The following GRIN2A variants were observed in gnomAD, a reference collection of about 807,000 sequenced individuals.
GRIN2A encodes glutamate ionotropic receptor NMDA type subunit 2A.
GRIN2A carries 22 observed loss-of-function variants against 113.4 expected under a neutral mutation model. The ratio of observed to expected loss-of-function variants is 0.19; its 90% CI spans 0.14 to 0.28. The LOEUF is 0.28. Among genes scored for constraint, GRIN2A ranks in the 10% least tolerant of loss-of-function variants. The probability of loss-of-function intolerance (pLI) is 1.00; values close to 1 mark genes in which losing one functional copy is unlikely to be tolerated. For missense variants in GRIN2A, 1,502 were observed against 1,887.0 expected (o/e 0.80, Z 3.78); for synonymous variants, 827 against 738.4 (o/e 1.12, Z -1.94).
At chr16:9,823,515 G>A (rs758100572) in intron 9 of GRIN2A, among the ~76,000 whole-genome samples, 2 of 152,124 alleles carry the variant, frequency 1.3e-5, no homozygotes, top group Admixed American at 6.5e-5. Flanking sequence ...ATCATTATGA[G>A]TGAAAAAGGA....
chr16:9,965,960 A>C (rs75191857), intron 2 of GRIN2A, among the ~76,000 whole-genome samples: 1 of 152,204 alleles, frequency 6.6e-6, no homozygotes, highest in African/African-American at 2.4e-5. Flanking sequence ...GCTGCTTTAC[A>C]ATACTTTCTG....
Position 9,938,067 on chromosome 16 carries a change from G to A in GRIN2A, c.899C>T (p.Thr300Ile), listed in dbSNP as rs772400474. 5 of 1,613,924 alleles carry A rather than the reference G, an allele frequency of 3.1e-6. No individual in the cohort carries two copies. Among genetic ancestry groups the A allele is most frequent in the Non-Finnish European group, 8.5e-7 (1 of 1,179,942 alleles). The change falls in exon 3 of 13, where the codon ACC becomes ATC. Residue 300 changes from threonine to isoleucine, a missense_variant. Physicochemically the swap from Thr to Ile is moderately conservative, Grantham distance 89 (BLOSUM62 -1). Around this residue, in one of 7 missense-constraint regions of GRIN2A, gnomAD observed 334 missense variants for 403.0 expected, o/e 0.83. Coordinates refer to ENST00000330684, the MANE Select transcript of GRIN2A (RefSeq NM_001134407.3). ...ARVRDGIGIL[T>I]TAASSMLEKF... is the part of the protein sequence containing the mutation. ...CTCCAGCATAGAAGATGCAGCGGTGGTTAGGATGCCAATGCCGTCCCTCAC... is the reference window on the plus strand; with the variant it reads ...CTCCAGCATAGAAGATGCAGCGGTGATTAGGATGCCAATGCCGTCCCTCAC...
chr16:9,842,121 G>A (rs1468228035), intron 5 of GRIN2A, among the ~76,000 whole-genome samples: 1 of 152,016 alleles, frequency 6.6e-6, no homozygotes, highest in Non-Finnish European at 1.5e-5. Context: ...CATGGTGGCA[G>A]GCACCTGTAG....
intron 2 of GRIN2A, among the ~76,000 whole-genome samples, chr16:10,018,911 C>A (rs1051165752): frequency 1.3e-5 from 2 of 152,212 alleles, no homozygotes; most frequent in African/African-American, 4.8e-5. Flanking sequence ...CTGTGGCCTG[C>A]CTTCAGTGAC....
In GRIN2A at chr16:10,138,428, A is replaced by T. The variant is rs139897623; in HGVS notation, c.414+41570T>A. ...GGAAGACGAAGAGGAAGCGAGGAAC[A>T]TCTCACACAGCGGAAGGATGGGGAT... On this transcript the variant is annotated intron_variant, in intron 2 of 12. Transcript: ENST00000330684. 3.3e-3 allele frequency among the ~76,000 whole-genome samples: 501 copies of T among 152,332 alleles called. 4 individuals are homozygous for T. The highest frequency in any genetic ancestry group is 0.012 in the African/African-American group (486 of 41,568).
At chr16:10,179,893 C>CCCAACAAAAAA in intron 2 of GRIN2A, 105 bp downstream of exon 2, 2 of 719,818 alleles carry the variant, frequency 2.8e-6, no homozygotes, top group Admixed American at 2.2e-5. Context: ...CCCCCACCCC[C>CCCAACAAAAAA]ACTTCACATC....
At chr16:10,037,193 G>T (rs1293167521) in intron 2 of GRIN2A, 3 of 150,980 alleles carry the variant, frequency 2.0e-5, no homozygotes, top group Non-Finnish European at 4.4e-5. Context: ...GACCTGGTCG[G>T]TCATTTAAAT....
intron 11 of GRIN2A, among the ~76,000 whole-genome samples, chr16:9,796,259 A>G (rs1422866390): frequency 1.3e-5 from 2 of 149,828 alleles, no homozygotes; most frequent in African/African-American, 2.6e-5. Context: ...CTTAACATCA[A>G]TCAATCATTC....
intron 2 of GRIN2A, among the ~76,000 whole-genome samples, chr16:10,012,414 GA>G (rs1313931895): frequency 6.6e-6 from 1 of 152,144 alleles, no homozygotes; most frequent in Non-Finnish European, 1.5e-5. Context: ...ATAACCACAG[GA>G]AAAATGGTTA....
At chr16:9,995,393 T>C (rs2046203725) in intron 2 of GRIN2A, among the ~76,000 whole-genome samples, 1 of 152,176 alleles carries the variant, frequency 6.6e-6, no homozygotes, top group Admixed American at 6.5e-5. Flanking sequence ...GATTTTTAAA[T>C]GGATTTCTAA....
At chr16:9,815,153 C>G (rs902173455) in intron 10 of GRIN2A, among the ~76,000 whole-genome samples, 1 of 152,014 alleles carries the variant, frequency 6.6e-6, no homozygotes, top group Non-Finnish European at 1.5e-5. Context: ...AACACATACA[C>G]GGAGATGGGA....
intron 2 of GRIN2A, among the ~76,000 whole-genome samples, chr16:10,143,284 A>G (rs967897760): frequency 2.0e-5 from 3 of 152,226 alleles, no homozygotes; most frequent in Admixed American, 6.5e-5. Context: ...AACGTGGTGT[A>G]TTCCAGTGTG....
chr16:9,907,805 C>T (rs1239910872), intron 3 of GRIN2A, among the ~76,000 whole-genome samples: 2 of 152,154 alleles, frequency 1.3e-5, no homozygotes, highest in African/African-American at 2.4e-5. Context: ...CCTCAAAACT[C>T]CCCTCACTTC....
At chr16:9,840,846 A>T (rs1412324021) in intron 6 of GRIN2A, 46 bp from the exon 7 acceptor site, 2 of 1,602,450 alleles carry the variant, frequency 1.2e-6, no homozygotes, top group African/African-American at 2.7e-5. Context: ...GAGAGAGAGA[A>T]CAACAGTACT....
At chr16:9,877,110 A>T (rs1004387016) in intron 4 of GRIN2A, among the ~76,000 whole-genome samples, 3 of 152,162 alleles carry the variant, frequency 2.0e-5, no homozygotes, top group African/African-American at 7.2e-5. Context: ...CTAAATTTGA[A>T]TCCTTTCTCA....
At chr16:9,992,827 A>G (rs1001781732) in intron 2 of GRIN2A, among the ~76,000 whole-genome samples, 2 of 152,206 alleles carry the variant, frequency 1.3e-5, no homozygotes, top group African/African-American at 4.8e-5. Context: ...CACAATGTGC[A>G]TACTACCTGG....
At chr16:10,009,571 G>A (rs1483974534) in intron 2 of GRIN2A, among the ~76,000 whole-genome samples, 1 of 152,142 alleles carries the variant, frequency 6.6e-6, no homozygotes, top group African/African-American at 2.4e-5. Flanking sequence ...CAAACAGGGA[G>A]ACCTGGACAG....
chr16:10,116,757 T>G (rs11647290), intron 2 of GRIN2A, among the ~76,000 whole-genome samples: 128,435 of 152,188 alleles, frequency 0.84, 54,977 homozygotes, highest in East Asian at 0.92. Context: ...ACACACCTCA[T>G]TACTGTCTCC....
chr16:9,776,725 G>T (rs1349966040), intron 11 of GRIN2A, among the ~76,000 whole-genome samples: 3 of 151,956 alleles, frequency 2.0e-5, no homozygotes, highest in South Asian at 4.2e-4. Flanking sequence ...ACACCGAGAG[G>T]GTAACTGACC....
Sources: allele counts gnomAD v4.1 joint callset (sites outside exome capture counted in the v4.1 genomes callset), GRCh38; gene constraint gnomAD v4.1.1; regional missense constraint gnomAD v4.1.1; transcripts MANE v1.5; gene names NCBI Gene and HGNC (gene_info 2026-07-23, HGNC 2026-07-21).